Variants in STAB2 observed in about 807,000 individuals in gnomAD.
STAB2 encodes the protein stabilin-2.
In STAB2, 288 loss-of-function variants were observed where a neutral mutation model predicts 338.1. That is an observed-to-expected ratio of 0.85 (90% CI 0.77 to 0.94). The LOEUF (loss-of-function observed/expected upper bound fraction) is 0.94, where lower values mean the gene tolerates loss of function less well. Among genes scored for constraint, STAB2 ranks in the 40% least tolerant of loss-of-function variants. The pLI is 0.00. For missense variants in STAB2, 3,141 were observed against 3,210.1 expected, an observed-to-expected ratio of 0.98 and a Z score of 0.52; for synonymous variants, 1,202 against 1,193.3, an observed-to-expected ratio of 1.01 and a Z score of -0.15.
intron 3 of STAB2, among the ~76,000 whole-genome samples, chr12:103,606,237 A>G (rs1957025941): frequency 6.6e-6 from 1 of 152,178 alleles, no homozygotes; most frequent in Admixed American, 6.5e-5. Flanking sequence ...CACTCTATGC[A>G]CAAGAATCTT....
chr12:103,667,132 GGT>G (rs201459319), intron 19 of STAB2, among the ~76,000 whole-genome samples: 1 of 152,218 alleles, frequency 6.6e-6, no homozygotes, highest in African/African-American at 2.4e-5. Context: ...TAGATCATTA[GGT>G]AAGGTTATGA....
intron 66 of STAB2, among the ~76,000 whole-genome samples, chr12:103,762,005 G>T (rs1027442043): frequency 6.6e-6 from 1 of 152,130 alleles, no homozygotes; most frequent in Non-Finnish European, 1.5e-5. Flanking sequence ...CCACTGACTG[G>T]CTGTGTGATA....
chr12:103,658,603 T>C (rs980362162), intron 15 of STAB2, among the ~76,000 whole-genome samples: 1 of 152,146 alleles, frequency 6.6e-6, no homozygotes, highest in Non-Finnish European at 1.5e-5. Flanking sequence ...CCCCTTATTT[T>C]GCAGGTGAAA....
intron 33 of STAB2, 98 bp downstream of exon 33, chr12:103,695,942 C>A: frequency 8.7e-7 from 1 of 1,156,062 alleles, no homozygotes; most frequent in Non-Finnish European, 1.3e-6. Flanking sequence ...ACTCCTTCAT[C>A]CTTGTCCATA....
At chr12:103,631,734 C>T (rs1957466617) in intron 6 of STAB2, 41 bp downstream of exon 6, 1 of 1,587,320 alleles carries the variant, frequency 6.3e-7, no homozygotes, top group South Asian at 1.1e-5. Context: ...CCAGATCAAA[C>T]AGGCACAAAT....
chr12:103,715,900 C>T lies in STAB2; in HGVS notation c.4611+12C>T. 1.9e-6 allele frequency: 3 copies of T among 1,613,838 alleles called. No homozygotes were observed. The highest frequency in any genetic ancestry group is 1.1e-5 in the South Asian group (1 of 91,054). ...CAGGACCCAACCAGGTGAGTGCCAC[C>T]TCTCCCAGGCCCTTAGGTTTCCTAA... On this transcript the variant is annotated intron_variant, in intron 43 of 68. Coordinates refer to ENST00000388887, the MANE Select transcript of STAB2 (RefSeq NM_017564.10).
intron 2 of STAB2, among the ~76,000 whole-genome samples, chr12:103,591,443 C>G (rs1389848746): frequency 5.9e-5 from 9 of 152,146 alleles, no homozygotes; most frequent in African/African-American, 2.2e-4. Flanking sequence ...CGAGATCAAG[C>G]CACTGCACTC....
In STAB2 at chr12:103,695,801, A is replaced by G. The variant is rs771111782; in HGVS notation, c.3539A>G (p.Asn1180Ser). 1.9e-6 allele frequency: 3 copies of G among 1,614,092 alleles called. No individual in the cohort carries two copies. The Admixed American group carries it at 5.0e-5, about 27-fold the overall frequency. ...DAYTVFAPNNNAIENYIREKK... is the reference protein window; with the variant it reads ...DAYTVFAPNNSAIENYIREKK... Reference sequence around the variant, plus strand: ...TACACAGTGTTTGCTCCAAACAACAATGCCATCGAGAATTACATCAGGGAG... The same window carrying G: ...TACACAGTGTTTGCTCCAAACAACAGTGCCATCGAGAATTACATCAGGGAG... Residue 1180 changes from asparagine to serine, a missense_variant, in exon 33 of 69, where the codon AAT (asparagine) becomes AGT (serine). Physicochemically the swap from Asn to Ser is conservative, Grantham distance 46. Transcript: ENST00000388887.
chr12:103,755,358 C>A lies in STAB2; in HGVS notation c.6771C>A (p.Pro2257=). ...GWLETGRVAY[P]TAFASQNCGS... is the part of the protein sequence containing the mutation. The stretch of plus-strand genomic sequence containing the variant: ...TGGAGACCGGGCGGGTTGCCTACCC[C>A]ACAGCCTTCGCCTCCCAGAACTGTG... The change falls in exon 62 of 69, where the codon CCC becomes CCA. Residue 2257 remains proline (P), a synonymous_variant. Coordinates refer to ENST00000388887, the MANE Select transcript of STAB2 (RefSeq NM_017564.10). 6.2e-7 allele frequency: 1 copy of A among 1,614,190 alleles called. No individual in the cohort carries two copies. Among genetic ancestry groups the A allele is most frequent in the South Asian group, 1.1e-5 (1 of 91,076 alleles).
Position 103,590,954 on chromosome 12 carries a change from G to A in STAB2, c.139G>A (p.Ala47Thr), listed in dbSNP as rs113956038. The A allele has an allele frequency of 2.7e-5, 43 of 1,613,996 alleles. No homozygotes were observed. In the East Asian group the frequency reaches 3.6e-4, roughly 13 times the overall value. Residue 47 changes from alanine (A) to threonine (T), a missense_variant, in exon 2 of 69, where the codon GCT becomes ACT. Physicochemically the swap from Ala to Thr is moderately conservative, Grantham distance 58 (BLOSUM62 0). Transcript: ENST00000388887. The part of the protein sequence containing the change: ...LTIRTECRSC[A>T]LNLGVKCPDG... Reference sequence around the variant, plus strand: ...AATTAGGACCGAGTGCCGATCCTGCGCTCTCAACCTTGGAGTCAAGTGCCC... The same window carrying A: ...AATTAGGACCGAGTGCCGATCCTGCACTCTCAACCTTGGAGTCAAGTGCCC...
At chr12:103,647,570 A>G (rs963259136) in intron 9 of STAB2, among the ~76,000 whole-genome samples, 4 of 152,190 alleles carry the variant, frequency 2.6e-5, no homozygotes, top group African/African-American at 7.2e-5. Context: ...CAACTCCTCT[A>G]TACTGCATAG....
chr12:103,700,731 A>G (rs1196449527), intron 34 of STAB2, among the ~76,000 whole-genome samples: 1 of 152,108 alleles, frequency 6.6e-6, no homozygotes, highest in Non-Finnish European at 1.5e-5. Flanking sequence ...TGCAGCGTTC[A>G]TTTTTCCATG....
chr12:103,747,451 C>G (rs1593323236), intron 58 of STAB2, among the ~76,000 whole-genome samples: 1 of 152,180 alleles, frequency 6.6e-6, no homozygotes, highest in Non-Finnish European at 1.5e-5. Context: ...GTGGCTCTGC[C>G]ATCGTTCACT....
Position 103,735,436 on chromosome 12 carries a change from C to T in STAB2, c.5461-55C>T, listed in dbSNP as rs925464800. On this transcript the variant is annotated intron_variant, in intron 51 of 68. Transcript: ENST00000388887. ...GTTTTTTGGTAAAGCTCCTTCGGGC[C>T]GTCCCTTCTTCGGCCCAAATTTGGG... The T allele has an allele frequency of 4.6e-5, 63 of 1,363,534 alleles. No individual in the cohort carries two copies. In the African/African-American group the frequency reaches 7.1e-4, roughly 15 times the overall value. The allele number at this position is 1,363,534 out of a possible 1,614,324, so 84.5% of individuals were successfully genotyped here.
intron 61 of STAB2, among the ~76,000 whole-genome samples, chr12:103,754,202 T>C (rs1350769549): frequency 6.6e-6 from 1 of 152,102 alleles, no homozygotes; most frequent in African/African-American, 2.4e-5. Flanking sequence ...AAGGAGAATC[T>C]GAATCTCTGC....
chr12:103,674,559 TTAA>T (rs1274927113), intron 23 of STAB2, among the ~76,000 whole-genome samples: 2 of 152,240 alleles, frequency 1.3e-5, no homozygotes, highest in East Asian at 3.8e-4. Flanking sequence ...TTTAAGGCTG[TTAA>T]TAATTGCTCC....
At chr12:103,663,675 G>A (rs1055434587) in intron 18 of STAB2, among the ~76,000 whole-genome samples, 3 of 152,068 alleles carry the variant, frequency 2.0e-5, no homozygotes, top group African/African-American at 2.4e-5. Flanking sequence ...TAAGGACATC[G>A]ATCATTATAT....
At chr12:103,723,630 G>A (rs143133716) in intron 44 of STAB2, among the ~76,000 whole-genome samples, 97 of 152,288 alleles carry the variant, frequency 6.4e-4, no homozygotes, top group Middle Eastern at 3.4e-3. Context: ...AGCATGTATC[G>A]TGACTTTCTC....
At chr12:103,746,480 T>G in intron 57 of STAB2, 117 bp from the exon 58 acceptor site, 1 of 883,802 alleles carries the variant, frequency 1.1e-6, no homozygotes, top group East Asian at 2.5e-5. Flanking sequence ...CTTCCTGCTG[T>G]ACAGGGGCAC....
Sources: gnomAD v4.1 joint callset for allele counts (sites outside exome capture counted in the v4.1 genomes callset) on GRCh38, gnomAD v4.1.1 for gene constraint, MANE v1.5 for transcripts, NCBI Gene and HGNC (gene_info 2026-07-23, HGNC 2026-07-21) for gene names.